Variants in SPSB4 observed in about 807,000 individuals in gnomAD.
SPSB4 encodes the protein splA/ryanodine receptor domain and SOCS box containing 4, also known as SPRY domain-containing SOCS box protein 4.
In SPSB4, 21 loss-of-function variants were observed where a neutral mutation model predicts 20.9. The observed-to-expected ratio is 1.01, with a 90% confidence interval of 0.71 to 1.45. The LOEUF (loss-of-function observed/expected upper bound fraction) is 1.45. SPSB4 is among the 40% of genes most tolerant of loss of function. The probability of loss-of-function intolerance (pLI) is 0.00; values close to 1 mark genes in which losing one functional copy is unlikely to be tolerated. For synonymous variants in SPSB4, 207 were observed against 183.8 expected, an observed-to-expected ratio of 1.13 and a Z score of -1.02; for missense variants, 399 against 399.2, an observed-to-expected ratio of 1.00 and a Z score of 0.00.
chr3:141,145,949 A>G (rs1346529629), intron 2 of SPSB4, among the ~76,000 whole-genome samples: 1 of 152,140 alleles, frequency 6.6e-6, no homozygotes, highest in Non-Finnish European at 1.5e-5. Flanking sequence ...CTCTCTGTGA[A>G]GCTTTCAAAC....
chr3:141,064,075 C>T (rs1287442760), intron 1 of SPSB4, among the ~76,000 whole-genome samples: 1 of 152,256 alleles, frequency 6.6e-6, no homozygotes, highest in Non-Finnish European at 1.5e-5. Flanking sequence ...GACCACATGC[C>T]CTGTTCCCAT....
At chr3:141,125,561 C>T (rs1939038275) in intron 2 of SPSB4, among the ~76,000 whole-genome samples, 1 of 152,166 alleles carries the variant, frequency 6.6e-6, no homozygotes, top group African/African-American at 2.4e-5. Context: ...ACATGTGCCC[C>T]CTGCCAGGGG....
intron 2 of SPSB4, among the ~76,000 whole-genome samples, chr3:141,093,524 G>A (rs533393412): frequency 4.7e-4 from 71 of 152,168 alleles, no homozygotes; most frequent in African/African-American, 1.7e-3. Context: ...CAGTGTTTGA[G>A]CTTAGGTGAC....
chr3:141,121,367 G>T (rs536593044), intron 2 of SPSB4, among the ~76,000 whole-genome samples: 1 of 152,196 alleles, frequency 6.6e-6, no homozygotes, highest in African/African-American at 2.4e-5. Flanking sequence ...TTTCAACCTT[G>T]GTGAATCTGA....
At chr3:141,119,869 G>C (rs905911232) in intron 2 of SPSB4, among the ~76,000 whole-genome samples, 1 of 152,082 alleles carries the variant, frequency 6.6e-6, no homozygotes, top group Non-Finnish European at 1.5e-5. Context: ...CCAGCTCCTG[G>C]ATTCATTGAT....
intron 2 of SPSB4, among the ~76,000 whole-genome samples, chr3:141,145,221 A>G (rs1939394291): frequency 6.9e-6 from 1 of 144,500 alleles, no homozygotes; most frequent in Admixed American, 6.9e-5. Flanking sequence ...AGAATACAAA[A>G]AATTAAAAAA....
rs935989863 is a variant in SPSB4, at chr3:141,100,268, A to T, written c.694+33470A>T. On this transcript the variant is annotated intron_variant, in intron 2 of 2. Transcript: ENST00000310546. Reference sequence around the variant, plus strand: ...CCCCAGCACCTCAGAAAGTGACCTCATTGGGAAATGAGGTCATTGCAGATG... The same window carrying T: ...CCCCAGCACCTCAGAAAGTGACCTCTTTGGGAAATGAGGTCATTGCAGATG... Among the ~76,000 whole-genome samples, 10 of 152,142 alleles carry T rather than the reference A, an allele frequency of 6.6e-5. 1 individual carries two copies. Among genetic ancestry groups the T allele is most frequent in the Admixed American group, 5.9e-4 (9 of 15,276 alleles).
rs1452566519 is a variant in SPSB4 at position 141,137,130 on chromosome 3, G to A, written c.695-10012G>A. ...TTGAATGGGAGTTCACTCATGATTTGGCTCTCTGTTTGTCTGTTATTGGTG... is the reference window on the plus strand; with the variant it reads ...TTGAATGGGAGTTCACTCATGATTTAGCTCTCTGTTTGTCTGTTATTGGTG... On this transcript the variant is annotated intron_variant, in intron 2 of 2. Coordinates refer to ENST00000310546, the MANE Select transcript of SPSB4 (RefSeq NM_080862.3). Among the ~76,000 whole-genome samples, 5 of 152,204 alleles carry A rather than the reference G, an allele frequency of 3.3e-5. No homozygotes were observed. The East Asian group carries it at 9.6e-4, about 29-fold the overall frequency.
intron 2 of SPSB4, among the ~76,000 whole-genome samples, chr3:141,141,907 C>G (rs1184048295): frequency 6.6e-6 from 1 of 152,078 alleles, no homozygotes; most frequent in Non-Finnish European, 1.5e-5. Flanking sequence ...TGTTTTGTTT[C>G]TAATTGAACT....
Position 141,075,923 on chromosome 3 carries a change from T to C in SPSB4, c.694+9125T>C, listed in dbSNP as rs115809730. Among the ~76,000 whole-genome samples the C allele has an allele frequency of 5.8e-3, 829 of 141,880 alleles. 8 individuals carry two copies. Among genetic ancestry groups the C allele is most frequent in the African/African-American group, 0.019 (728 of 38,638 alleles). The allele number at this position is 141,880 out of a possible 152,430, so 93.1% of individuals were successfully genotyped here. On this transcript the variant is annotated intron_variant, in intron 2 of 2. Transcript: ENST00000310546. ...AAAAAAAAAAAAAAAAAGCCAGGTA[T>C]AGTACACATGCCTGTAATCCCAGCT...
At chr3:141,106,171 G>A (rs1938684555) in intron 2 of SPSB4, among the ~76,000 whole-genome samples, 1 of 152,196 alleles carries the variant, frequency 6.6e-6, no homozygotes, top group South Asian at 2.1e-4. Context: ...GTGGGCTGGT[G>A]TCCCTGGAGA....
chr3:141,105,103 T>C (rs183559929), intron 2 of SPSB4, among the ~76,000 whole-genome samples: 4 of 152,302 alleles, frequency 2.6e-5, no homozygotes, highest in Non-Finnish European at 5.9e-5. Context: ...GCACCATACA[T>C]TCAGGAACCA....
chr3:141,135,498 C>T (rs1446745781), intron 2 of SPSB4, among the ~76,000 whole-genome samples: 1 of 150,748 alleles, frequency 6.6e-6, no homozygotes, highest in Non-Finnish European at 1.5e-5. Context: ...CCCCCTCCCC[C>T]CACCCCACAC....
intron 2 of SPSB4, among the ~76,000 whole-genome samples, chr3:141,100,661 G>A (rs1938600663): frequency 6.6e-6 from 1 of 152,166 alleles, no homozygotes; most frequent in African/African-American, 2.4e-5. Flanking sequence ...CAGGGTTAGG[G>A]TGCATCTTCT....
chr3:141,088,860 C>A (rs758404754), intron 2 of SPSB4, among the ~76,000 whole-genome samples: 32 of 152,208 alleles, frequency 2.1e-4, no homozygotes, highest in Admixed American at 1.8e-3. Context: ...TCTGCACCCA[C>A]ATCTTTGTCT....
intron 2 of SPSB4, among the ~76,000 whole-genome samples, chr3:141,075,204 T>C (rs886115370): frequency 2.0e-5 from 3 of 151,988 alleles, no homozygotes; most frequent in Non-Finnish European, 2.9e-5. Flanking sequence ...CCAGGGGTGA[T>C]GCTGATGGGT....
At chr3:141,109,822 C>T (rs575149688) in intron 2 of SPSB4, among the ~76,000 whole-genome samples, 4 of 152,306 alleles carry the variant, frequency 2.6e-5, no homozygotes, top group Admixed American at 2.6e-4. Context: ...TTAAGCAGGG[C>T]AGGTCACAGG....
At chr3:141,082,809 A>AGCGT (rs1290174746) in intron 2 of SPSB4, among the ~76,000 whole-genome samples, 3 of 152,352 alleles carry the variant, frequency 2.0e-5, no homozygotes, top group African/African-American at 7.2e-5. Flanking sequence ...TCAGGCTCAA[A>AGCGT]GCGTCCCTTT....
intron 2 of SPSB4, among the ~76,000 whole-genome samples, chr3:141,135,911 T>C (rs1357091512): frequency 6.6e-6 from 1 of 152,232 alleles, no homozygotes; most frequent in African/African-American, 2.4e-5. Context: ...CCCTGAGGAA[T>C]CGCCACACTG....
Sources: gnomAD v4.1 joint callset for allele counts (sites outside exome capture counted in the v4.1 genomes callset) on GRCh38, gnomAD v4.1.1 for gene constraint, MANE v1.5 for transcripts, NCBI Gene and HGNC (gene_info 2026-07-23, HGNC 2026-07-21) for gene names.